Variants in IMMP2L observed in about 807,000 individuals in gnomAD.
IMMP2L encodes mitochondrial inner membrane protease subunit 2.
Under a neutral mutation model 19.3 loss-of-function variants are expected in IMMP2L, and 18 were observed. The observed-to-expected ratio is 0.93, with a 90% CI of 0.64 to 1.38. IMMP2L has a LOEUF of 1.38. Ranked by LOEUF, IMMP2L falls within the 40% of genes most tolerant of loss-of-function variation. IMMP2L has a pLI of 0.00. For missense variants in IMMP2L, 233 were observed against 218.2 expected, an observed-to-expected ratio of 1.07 and a Z score of -0.43; for synonymous variants, 76 against 73.0, an observed-to-expected ratio of 1.04 and a Z score of -0.21.
chr7:110,691,021 T>C (rs968433049), intron 5 of IMMP2L, among the ~76,000 whole-genome samples: 1 of 152,030 alleles, frequency 6.6e-6, no homozygotes, highest in Non-Finnish European at 1.5e-5. Flanking sequence ...ATAACAATCC[T>C]AAACAAAAAG....
chr7:110,699,297 C>T (rs1376092257), intron 5 of IMMP2L, among the ~76,000 whole-genome samples: 1 of 152,112 alleles, frequency 6.6e-6, no homozygotes, highest in South Asian at 2.1e-4. Context: ...TTTAATGGTA[C>T]CCAGAATATT....
intron 3 of IMMP2L, among the ~76,000 whole-genome samples, chr7:111,188,446 T>C (rs760971107): frequency 1.3e-5 from 2 of 152,246 alleles, no homozygotes; most frequent in African/African-American, 2.4e-5. Flanking sequence ...CAGACTGTTC[T>C]GGAGTCCCTT....
At chr7:110,963,433 A>G in intron 4 of IMMP2L, 67 bp downstream of exon 4, 1 of 1,129,892 alleles carries the variant, frequency 8.9e-7, no homozygotes, top group Non-Finnish European at 1.3e-6. Context: ...TGTATTTCCC[A>G]AGTAATGTAG....
chr7:111,368,599 A>C (rs1233369143), intron 3 of IMMP2L, among the ~76,000 whole-genome samples: 1 of 151,944 alleles, frequency 6.6e-6, no homozygotes, highest in Non-Finnish European at 1.5e-5. Context: ...ATAACTCTTT[A>C]GTCTCCCTTC....
chr7:110,712,982 C>T (rs900075776), intron 5 of IMMP2L, among the ~76,000 whole-genome samples: 2 of 151,864 alleles, frequency 1.3e-5, no homozygotes, highest in South Asian at 2.1e-4. Flanking sequence ...GCGTCACTCA[C>T]GCTGGGAGCT....
chr7:110,964,391 T>C (rs1204131748), intron 3 of IMMP2L, among the ~76,000 whole-genome samples: 2 of 152,040 alleles, frequency 1.3e-5, no homozygotes, highest in African/African-American at 2.4e-5. Context: ...ATGCGAAGCA[T>C]TTCCTTTAAA....
intron 3 of IMMP2L, among the ~76,000 whole-genome samples, chr7:111,078,055 T>C (rs1795565750): frequency 1.3e-5 from 2 of 152,210 alleles, no homozygotes; most frequent in Admixed American, 6.5e-5. Flanking sequence ...TTTTAATTTT[T>C]TAATGGTATT....
chr7:110,752,061 G>C (rs1356612465), intron 5 of IMMP2L, among the ~76,000 whole-genome samples: 1 of 151,956 alleles, frequency 6.6e-6, no homozygotes, highest in African/African-American at 2.4e-5. Context: ...AAAAACCCCT[G>C]TGATACTTAC....
At chr7:110,705,613 T>C (rs929588388) in intron 5 of IMMP2L, among the ~76,000 whole-genome samples, 7 of 152,148 alleles carry the variant, frequency 4.6e-5, no homozygotes, top group Non-Finnish European at 1.0e-4. Flanking sequence ...AGGTGGTACA[T>C]ATAAATGCTT....
chr7:110,735,867 AAAAGGAATG>A (rs1451781406), intron 5 of IMMP2L, among the ~76,000 whole-genome samples: 1 of 149,058 alleles, frequency 6.7e-6, no homozygotes, highest in African/African-American at 2.4e-5. Context: ...AAAAAAAAAA[AAAAGGAATG>A]AAATAATGAC....
intron 4 of IMMP2L, among the ~76,000 whole-genome samples, chr7:110,955,115 A>G (rs1818234007): frequency 6.6e-6 from 1 of 151,986 alleles, no homozygotes; most frequent in Admixed American, 6.6e-5. Context: ...TAAAGAGACT[A>G]TATATGAACT....
chr7:111,245,948 A>C (rs1184203663), intron 3 of IMMP2L, among the ~76,000 whole-genome samples: 2 of 8,800 alleles, frequency 2.3e-4, no homozygotes, highest in Non-Finnish European at 3.0e-4. Flanking sequence ...TTTTTGCATC[A>C]ATGTTCATCA....
intron 5 of IMMP2L, chr7:110,725,789 T>C (rs147083961): frequency 6.6e-6 from 1 of 152,256 alleles, no homozygotes; most frequent in East Asian, 1.9e-4. Flanking sequence ...ATTGGGAGAA[T>C]TGCAAAAGGC....
chr7:111,205,498 C>G (rs759496048), intron 3 of IMMP2L, among the ~76,000 whole-genome samples: 5 of 152,100 alleles, frequency 3.3e-5, no homozygotes, highest in Non-Finnish European at 7.4e-5. Context: ...TTCCATTGAA[C>G]GTCACAGGAC....
At position 111,524,956 on chromosome 7, in the gene IMMP2L, C is replaced by G. The variant is rs1053039558; in HGVS notation, c.-2-3507G>C. ...CATTCATTCTTTCAACCAGTATTTA[C>G]TAACGGTCTTCCACAAGCACTGTGT... On this transcript the variant is annotated intron_variant, in intron 1 of 5. Transcript: ENST00000405709. 9.9e-5 allele frequency among the ~76,000 whole-genome samples: 15 copies of G among 152,256 alleles called. 1 individual carries two copies. Among genetic ancestry groups the G allele is most frequent in the Middle Eastern group, 3.4e-3 (1 of 294 alleles).
intron 3 of IMMP2L, among the ~76,000 whole-genome samples, chr7:111,087,904 G>A (rs900343753): frequency 9.2e-5 from 14 of 151,968 alleles, no homozygotes; most frequent in Non-Finnish European, 1.9e-4. Context: ...TTCTAAACCC[G>A]GTATACATAT....
chr7:111,453,200 C>T (rs1417607538), intron 3 of IMMP2L, among the ~76,000 whole-genome samples: 3 of 152,176 alleles, frequency 2.0e-5, no homozygotes, highest in Admixed American at 1.3e-4. Context: ...TACTTCTGTT[C>T]GTAGCTGACC....
chr7:110,766,956 C>A, intron 5 of IMMP2L, among the ~76,000 whole-genome samples: 1 of 152,032 alleles, frequency 6.6e-6, no homozygotes. Flanking sequence ...TTAATTGGGC[C>A]ATTGGATCCT....
intron 3 of IMMP2L, among the ~76,000 whole-genome samples, chr7:111,301,056 C>T (rs1051958859): frequency 2.6e-5 from 4 of 152,074 alleles, no homozygotes; most frequent in African/African-American, 4.8e-5. Context: ...TTTGTGTATC[C>T]TATCAGCAAT....
Sources: gnomAD v4.1 joint callset for allele counts (sites outside exome capture counted in the v4.1 genomes callset) on GRCh38, gnomAD v4.1.1 for gene constraint, MANE v1.5 for transcripts, NCBI Gene and HGNC (gene_info 2026-07-23, HGNC 2026-07-21) for gene names.